The following ALDOB variants were observed in gnomAD, a reference collection of about 807,000 sequenced individuals.
ALDOB encodes aldolase, fructose-bisphosphate B, also known as fructose-bisphosphate aldolase B.
In ALDOB, 39 loss-of-function variants were observed where a neutral mutation model predicts 41.0. That is an observed-to-expected ratio of 0.95 (90% CI 0.74 to 1.24). The LOEUF is 1.24. Among genes scored for constraint, ALDOB ranks in the 50% most tolerant of loss-of-function variants. The pLI is 0.00. For missense variants in ALDOB, 530 were observed against 457.3 expected (o/e 1.16, Z -1.45); for synonymous variants, 175 against 168.8 (o/e 1.04, Z -0.28).
chr9:101,433,184 A>G (rs1462343203), intron 1 of ALDOB, among the ~76,000 whole-genome samples: 1 of 152,256 alleles, frequency 6.6e-6, no homozygotes, highest in East Asian at 1.9e-4. Flanking sequence ...GATTCTTTAC[A>G]AAGCACTATA....
Position 101,430,904 on chromosome 9 carries a change from AAG to A in ALDOB, c.-10-9_-10-8del. 8.8e-6 allele frequency: 14 copies of A among 1,592,484 alleles called. No homozygotes were observed. The highest frequency in any genetic ancestry group is 1.2e-5 in the Non-Finnish European group (14 of 1,160,414). Reference sequence around the variant, plus strand: ...GTGGGCCATGGTGACAGGTCTGGAAAAGAGTGTGCGAGAGTTGTGCACAGAAC... The same window carrying A: ...GTGGGCCATGGTGACAGGTCTGGAAAAGTGTGCGAGAGTTGTGCACAGAAC... On this transcript the variant is annotated splice_region_variant and splice_polypyrimidine_tract_variant and intron_variant, in intron 1 of 8. Transcript: ENST00000647789.
Position 101,425,510 on chromosome 9 carries a change from G to A in ALDOB, c.742C>T (p.Gln248Ter), listed in dbSNP as rs1163091441. 1 of 1,614,180 alleles carries A rather than the reference G, an allele frequency of 6.2e-7. No individual in the cohort carries two copies. Among genetic ancestry groups the A allele is most frequent in the Admixed American group, 1.7e-5 (1 of 60,024 alleles). The change falls in exon 7 of 9, where the codon CAA becomes TAA. Residue 248 changes from glutamine to a stop codon, truncating the protein, a stop_gained. Coordinates refer to ENST00000647789, the MANE Select transcript of ALDOB (RefSeq NM_000035.4). LOFTEE classifies it high-confidence loss of function. Reference protein sequence around the residue: ...HACTKKYTPEQVAMATVTALH... With the variant: ...HACTKKYTPE ...GCTGTTACGGTGGCCATAGCTACTT[G>A]TTCTGGAGTATACTTCTTGGTGCAG...
At chr9:101,434,563 G>A (rs1831264537) in intron 1 of ALDOB, among the ~76,000 whole-genome samples, 1 of 152,162 alleles carries the variant, frequency 6.6e-6, no homozygotes, top group Non-Finnish European at 1.5e-5. Context: ...TGATTTCTAG[G>A]CACTGCATGC....
chr9:101,428,534 A>T lies in ALDOB; in HGVS notation c.325-11T>A. On this transcript the variant is annotated splice_polypyrimidine_tract_variant and intron_variant, in intron 3 of 8. Transcript: ENST00000647789. ...ACCTCCTTGGTCTAACTGTGGATAC[A>T]AATAATTAACAGGTGTCAGATGTCA... 1 of 1,611,250 alleles carries T rather than the reference A, an allele frequency of 6.2e-7. No homozygotes were observed. The highest frequency in any genetic ancestry group is 8.5e-7 in the Non-Finnish European group (1 of 1,177,330).
At chr9:101,427,737 T>A in intron 4 of ALDOB, 95 bp from the exon 5 acceptor site, 1 of 1,485,872 alleles carries the variant, frequency 6.7e-7, no homozygotes, top group South Asian at 1.2e-5. Context: ...TTTGCTTAGC[T>A]TTCAATCCAC....
intron 3 of ALDOB, 36 bp downstream of exon 3, chr9:101,429,719 A>G: frequency 6.2e-7 from 1 of 1,601,910 alleles, no homozygotes; most frequent in Non-Finnish European, 8.6e-7. Context: ...TTTGCCTAGG[A>G]CAAAGCAGAA....
At chr9:101,426,533 G>T in intron 6 of ALDOB, 22 bp downstream of exon 6, 1 of 1,492,858 alleles carries the variant, frequency 6.7e-7, no homozygotes, top group Non-Finnish European at 9.4e-7. Context: ...CTAGAATTGG[G>T]GCCTTCATAT....
At chr9:101,431,243 T>G (rs1026174748) in intron 1 of ALDOB, among the ~76,000 whole-genome samples, 12 of 152,230 alleles carry the variant, frequency 7.9e-5, no homozygotes, top group African/African-American at 2.9e-4. Flanking sequence ...CTCTCTATTC[T>G]GTGGACTCCT....
chr9:101,425,015 C>G lies in ALDOB; in HGVS notation c.827G>C (p.Ser276Thr). ...PGICFLSGGM[S>T]EEDATLNLNA... is the part of the protein sequence containing the mutation. ...GAGGTTGAGAGTGGCATCCTCTTCA[C>G]TCATGCCACCAGACAAAAAGCAGAT... Residue 276 changes from serine (S) to threonine (T), a missense_variant, in exon 8 of 9, where the codon AGT (serine) becomes ACT (threonine). Coordinates refer to ENST00000647789, the MANE Select transcript of ALDOB (RefSeq NM_000035.4). 1 of 1,614,224 alleles carries G rather than the reference C, an allele frequency of 6.2e-7. No individual in the cohort carries two copies. Among genetic ancestry groups the G allele is most frequent in the African/African-American group, 1.3e-5 (1 of 75,062 alleles).
In ALDOB at chr9:101,430,796, A is replaced by G; in HGVS notation, c.92T>C (p.Leu31Pro). 1 of 1,613,642 alleles carries G rather than the reference A, an allele frequency of 6.2e-7. No homozygotes were observed. The highest frequency in any genetic ancestry group is 8.5e-7 in the Non-Finnish European group (1 of 1,179,500). Residue 31 changes from leucine to proline, a missense_variant, in exon 2 of 9, where the codon CTG becomes CCG. Coordinates refer to ENST00000647789, the MANE Select transcript of ALDOB (RefSeq NM_000035.4). ...QSIVANGKGI[L>P]AADESVGTMG... Reference sequence around the variant, plus strand: ...CTCACCTACAGATTCATCTGCAGCCAGGATCCCCTTTCCATTGGCAACAAT... The same window carrying G: ...CTCACCTACAGATTCATCTGCAGCCGGGATCCCCTTTCCATTGGCAACAAT...
intron 2 of ALDOB, among the ~76,000 whole-genome samples, chr9:101,430,358 T>C (rs944519547): frequency 2.6e-5 from 4 of 152,152 alleles, no homozygotes; most frequent in Non-Finnish European, 4.4e-5. Flanking sequence ...CTGCCACAGC[T>C]CTCCCTTGTG....
chr9:101,425,137 A>T, intron 7 of ALDOB, 95 bp from the exon 8 acceptor site: 4 of 1,391,808 alleles, frequency 2.9e-6, no homozygotes, highest in Non-Finnish European at 4.0e-6. Flanking sequence ...GTAATGTCTC[A>T]GTCTTTTCTC....
intron 1 of ALDOB, among the ~76,000 whole-genome samples, chr9:101,433,940 T>C (rs1422111510): frequency 6.6e-6 from 1 of 151,896 alleles, no homozygotes; most frequent in South Asian, 2.1e-4. Flanking sequence ...AGCTATTTTT[T>C]TTTTTATTTT....
chr9:101,433,511 C>T lies in ALDOB; in HGVS notation c.-11+2198G>A, dbSNP rs150718280. ...ATGGGTAATGACAAAGAACGATTTC[C>T]GTACTCCTAAGCCTCTGCTCTCTCA... On this transcript the variant is annotated intron_variant, in intron 1 of 8. Transcript: ENST00000647789. Among the ~76,000 whole-genome samples the T allele has an allele frequency of 1.6e-4, 24 of 152,260 alleles. No individual in the cohort carries two copies. In the East Asian group the frequency reaches 2.5e-3, roughly 16 times the overall value.
intron 1 of ALDOB, among the ~76,000 whole-genome samples, chr9:101,433,697 G>GT (rs1310070858): frequency 6.6e-6 from 1 of 152,152 alleles, no homozygotes; most frequent in African/African-American, 2.4e-5. Context: ...TAAACAAAGA[G>GT]TAACAACTCT....
rs1831190094 is a variant in ALDOB at position 101,429,816 on chromosome 9, T to C, written c.263A>G (p.Asp88Gly). Residue 88 changes from aspartate (D) to glycine (G), a missense_variant, in exon 3 of 9, where the codon GAC (aspartate) becomes GGC (glycine). By Grantham distance (94) the Asp-to-Gly change is moderately conservative. Coordinates refer to ENST00000647789, the MANE Select transcript of ALDOB (RefSeq NM_000035.4). Reference sequence around the variant, plus strand: ...GTTTCTGAACAGCTTTCCCTGGCTGTCCTTCTGGTAGAGGGTCTCGTGGAA... The same window carrying C: ...GTTTCTGAACAGCTTTCCCTGGCTGCCCTTCTGGTAGAGGGTCTCGTGGAA... ...ILFHETLYQK[D>G]SQGKLFRNIL... The C allele has an allele frequency of 1.9e-6, 3 of 1,614,030 alleles. No homozygotes were observed. The highest frequency in any genetic ancestry group is 2.5e-6 in the Non-Finnish European group (3 of 1,180,038).
In ALDOB at chr9:101,427,655, A is replaced by G; in HGVS notation, c.380-13T>C. The G allele has an allele frequency of 6.2e-7, 1 of 1,613,930 alleles. No individual in the cohort carries two copies. Among genetic ancestry groups the G allele is most frequent in the Non-Finnish European group, 8.5e-7 (1 of 1,180,016 alleles). ...AGGCCATCAAGCCCTGCAAGTCACAAAAGAGAGAAAGGCTTCTTTGTACCT... is the reference window on the plus strand; with the variant it reads ...AGGCCATCAAGCCCTGCAAGTCACAGAAGAGAGAAAGGCTTCTTTGTACCT... On this transcript the variant is annotated splice_polypyrimidine_tract_variant and intron_variant, in intron 4 of 8. Transcript: ENST00000647789.
At chr9:101,431,430 C>T (rs1486725679) in intron 1 of ALDOB, among the ~76,000 whole-genome samples, 1 of 152,234 alleles carries the variant, frequency 6.6e-6, no homozygotes, top group Admixed American at 6.5e-5. Context: ...TGGCCTCGGG[C>T]TACAGAGGGT....
In ALDOB at chr9:101,428,488, GT is replaced by G. The variant is rs1278601258; in HGVS notation, c.359del (p.Asn120ThrfsTer33). 1.9e-6 allele frequency: 3 copies of G among 1,613,686 alleles called. No homozygotes were observed. The highest frequency in any genetic ancestry group is 2.5e-6 in the Non-Finnish European group (3 of 1,179,644). ...DQGGAPLAGT[N>X]KETTIQGLDG... ...CCTTACCTTGAATGGTGGTTTCTTT[GT>G]TTGTTCCTGCAAGAGGAGCACCTCC... On this transcript the variant is annotated frameshift_variant, in exon 4 of 9. Coordinates refer to ENST00000647789, the MANE Select transcript of ALDOB (RefSeq NM_000035.4). LOFTEE classifies it high-confidence loss of function.
Sources: allele counts gnomAD v4.1 joint callset (sites outside exome capture counted in the v4.1 genomes callset), GRCh38; gene constraint gnomAD v4.1.1; transcripts MANE v1.5; gene names NCBI Gene and HGNC (gene_info 2026-07-23, HGNC 2026-07-21).